The following PDSS1 variants were observed in gnomAD, a reference collection of about 807,000 sequenced individuals.
PDSS1 encodes all trans-polyprenyl-diphosphate synthase PDSS1.
Under a neutral mutation model 57.5 loss-of-function variants are expected in PDSS1, and 43 were observed. The observed-to-expected ratio is 0.75, with a 90% CI of 0.59 to 0.96. The LOEUF (loss-of-function observed/expected upper bound fraction) is 0.96, where lower values mean the gene tolerates loss of function less well. Among genes scored for constraint, PDSS1 ranks in the 50% least tolerant of loss-of-function variants. The pLI is 0.00. For missense variants in PDSS1, 438 were observed against 527.8 expected (o/e 0.83, Z 1.67); for synonymous variants, 175 against 191.3 (o/e 0.91, Z 0.70).
Position 26,705,864 on chromosome 10 carries a change from T to A in PDSS1, c.336+470T>A, listed in dbSNP as rs558046364. Among the ~76,000 whole-genome samples, 306 of 152,266 alleles carry A rather than the reference T, an allele frequency of 2.0e-3. 3 individuals carry two copies. The highest frequency in any genetic ancestry group is 1.7e-3 in the Non-Finnish European group (115 of 68,028). ...ATACATATGACCCAGTGCCAGGCAATATGAAGAATGCAATATGTATTTATG... is the reference window on the plus strand; with the variant it reads ...ATACATATGACCCAGTGCCAGGCAAAATGAAGAATGCAATATGTATTTATG... On this transcript the variant is annotated intron_variant, in intron 4 of 11. Transcript: ENST00000376215.
At chr10:26,736,982 G>A (rs1317187314) in intron 10 of PDSS1, among the ~76,000 whole-genome samples, 1 of 152,200 alleles carries the variant, frequency 6.6e-6, no homozygotes, top group Non-Finnish European at 1.5e-5. Flanking sequence ...CTGGCTACCA[G>A]TAACCTATAT....
At chr10:26,741,451 A>G (rs1433116176) in intron 10 of PDSS1, among the ~76,000 whole-genome samples, 1 of 151,144 alleles carries the variant, frequency 6.6e-6, no homozygotes, top group East Asian at 2.0e-4. Flanking sequence ...CCACTGCACC[A>G]CTCCAGCCTG....
intron 2 of PDSS1, among the ~76,000 whole-genome samples, chr10:26,703,175 C>T (rs945996311): frequency 3.9e-5 from 6 of 152,120 alleles, no homozygotes; most frequent in East Asian, 1.9e-4. Flanking sequence ...AGATTTGAAC[C>T]GAGATCTGTC....
chr10:26,707,444 G>T (rs1377213681), intron 4 of PDSS1, among the ~76,000 whole-genome samples: 3 of 152,088 alleles, frequency 2.0e-5, no homozygotes, highest in Non-Finnish European at 4.4e-5. Flanking sequence ...TTCCTGTTGT[G>T]GGTCGGGGAG....
intron 8 of PDSS1, among the ~76,000 whole-genome samples, chr10:26,727,948 G>A (rs113983675): frequency 6.6e-5 from 10 of 152,290 alleles, no homozygotes; most frequent in African/African-American, 2.4e-4. Context: ...TCCAGGTTAT[G>A]AATATTTGGC....
chr10:26,703,283 TTAGGGG>T (rs1386883057), intron 2 of PDSS1, among the ~76,000 whole-genome samples: 27 of 152,144 alleles, frequency 1.8e-4, no homozygotes, highest in African/African-American at 5.3e-4. Flanking sequence ...TCAACCCAGA[TTAGGGG>T]TCTATAACTG....
At chr10:26,719,341 C>T (rs767849300) in intron 5 of PDSS1, among the ~76,000 whole-genome samples, 7 of 152,224 alleles carry the variant, frequency 4.6e-5, no homozygotes, top group Non-Finnish European at 8.8e-5. Context: ...CTTGAGCCTA[C>T]TTATCCTATA....
Position 26,712,627 on chromosome 10 carries a change from A to G in PDSS1, c.467+2859A>G, listed in dbSNP as rs1424114469. Among the ~76,000 whole-genome samples, 6 of 99,238 alleles carry G rather than the reference A, an allele frequency of 6.0e-5. 1 individual carries two copies. Among genetic ancestry groups the G allele is most frequent in the African/African-American group, 1.6e-4 (5 of 30,512 alleles). 65.1% of individuals were successfully genotyped at this position (99,238 alleles called of 152,430 possible). A position where few individuals can be genotyped will look rare whatever the true frequency, so the allele number is the denominator to read the frequency against. On this transcript the variant is annotated intron_variant, in intron 5 of 11. Coordinates refer to ENST00000376215, the MANE Select transcript of PDSS1 (RefSeq NM_014317.5). Reference sequence around the variant, plus strand: ...TTCTGTGGACTCTTCTGGATCGGGCACTTAAAGGACTAAATATGTAGGTAT... The same window carrying G: ...TTCTGTGGACTCTTCTGGATCGGGCGCTTAAAGGACTAAATATGTAGGTAT...
At chr10:26,734,482 A>G (rs1329799555) in intron 8 of PDSS1, among the ~76,000 whole-genome samples, 1 of 152,202 alleles carries the variant, frequency 6.6e-6, no homozygotes, top group African/African-American at 2.4e-5. Context: ...TGGGAAATGC[A>G]CTTCAGTGGC....
At position 26,704,083 on chromosome 10, in the gene PDSS1, C is replaced by CAAAAAAAAAAAAAAAAAAAAAAAAAAA. The variant is rs1203931422; in HGVS notation, c.163-575_163-574insAAAAAAAAAAAAAAAAAAAAAAAAAAA. 2.8e-3 allele frequency among the ~76,000 whole-genome samples: 86 copies of CAAAAAAAAAAAAAAAAAAAAAAAAAAA among 30,998 alleles called. 10 individuals are homozygous for CAAAAAAAAAAAAAAAAAAAAAAAAAAA. Among genetic ancestry groups the CAAAAAAAAAAAAAAAAAAAAAAAAAAA allele is most frequent in the Middle Eastern group, 0.056 (1 of 18 alleles). The allele number at this position is 30,998 out of a possible 152,430, so 20.3% of individuals were successfully genotyped here. Reference sequence around the variant, plus strand: ...GACGACAGAACGAGACTCCGTCTCACAAAAAAAAAAAAAAAAAAATATGGC... The same window carrying CAAAAAAAAAAAAAAAAAAAAAAAAAAA: ...GACGACAGAACGAGACTCCGTCTCACAAAAAAAAAAAAAAAAAAAAAAAAAAAAAAAAAAAAAAAAAAAAAATATGGC... On this transcript the variant is annotated intron_variant, in intron 2 of 11. Coordinates refer to ENST00000376215, the MANE Select transcript of PDSS1 (RefSeq NM_014317.5).
At chr10:26,719,940 A>G (rs1356540145) in intron 5 of PDSS1, among the ~76,000 whole-genome samples, 1 of 152,208 alleles carries the variant, frequency 6.6e-6, no homozygotes, top group Non-Finnish European at 1.5e-5. Flanking sequence ...CTTCAGCCCA[A>G]TAAGATCAGC....
chr10:26,720,171 A>G (rs897499362), intron 5 of PDSS1, 47 bp from the exon 6 acceptor site: 2 of 1,611,372 alleles, frequency 1.2e-6, no homozygotes, highest in Middle Eastern at 2.2e-4. Flanking sequence ...ATTGCTGAGA[A>G]GGTTCTAGGC....
chr10:26,731,489 G>A (rs1036466924), intron 8 of PDSS1, among the ~76,000 whole-genome samples: 2 of 152,220 alleles, frequency 1.3e-5, no homozygotes, highest in Non-Finnish European at 1.5e-5. Context: ...ACTACTGCAA[G>A]GGCTGATCGT....
rs530369017 is a variant in PDSS1 at position 26,707,532 on chromosome 10, A to G, written c.337-2106A>G. On this transcript the variant is annotated intron_variant, in intron 4 of 11. Transcript: ENST00000376215. ...CCTGGTTTTCTGACCATTGGGCACT[A>G]TTGACTGTAACCCCTCCTTGAAACA... Among the ~76,000 whole-genome samples, 10 of 152,120 alleles carry G rather than the reference A, an allele frequency of 6.6e-5. No individual in the cohort carries two copies. The South Asian group carries it at 2.1e-3, about 32-fold the overall frequency.
At chr10:26,697,905 G>A in intron 1 of PDSS1, 65 bp downstream of exon 1, 1 of 1,217,530 alleles carries the variant, frequency 8.2e-7, no homozygotes, top group Non-Finnish European at 1.0e-6. Flanking sequence ...AGCAGTGGGC[G>A]GAATGAATGG....
chr10:26,724,955 T>C (rs1308268139), intron 8 of PDSS1, among the ~76,000 whole-genome samples: 2 of 152,214 alleles, frequency 1.3e-5, no homozygotes, highest in African/African-American at 4.8e-5. Context: ...GAGTACAAAT[T>C]GAGTATAAGC....
intron 4 of PDSS1, among the ~76,000 whole-genome samples, chr10:26,707,114 C>T (rs568559488): frequency 1.3e-5 from 2 of 152,262 alleles, no homozygotes; most frequent in South Asian, 2.1e-4. Flanking sequence ...TGCCCGCATG[C>T]GCAGTGGCCC....
At chr10:26,740,311 A>G (rs923393514) in intron 10 of PDSS1, among the ~76,000 whole-genome samples, 1 of 152,174 alleles carries the variant, frequency 6.6e-6, no homozygotes, top group Admixed American at 6.5e-5. Flanking sequence ...CTCATAACAA[A>G]ACTAAAACCT....
At chr10:26,702,217 T>C (rs1292947653) in intron 2 of PDSS1, 23 bp downstream of exon 2, 1 of 447,156 alleles carries the variant, frequency 2.2e-6, no homozygotes, top group Non-Finnish European at 4.4e-6. Context: ...ACTTGGACTT[T>C]TGAGTTAATG....
Sources: allele counts gnomAD v4.1 joint callset (sites outside exome capture counted in the v4.1 genomes callset), GRCh38; gene constraint gnomAD v4.1.1; transcripts MANE v1.5; gene names NCBI Gene and HGNC (gene_info 2026-07-23, HGNC 2026-07-21).